PRR14L: variants seen among roughly 807,000 people sequenced by gnomAD.
PRR14L encodes protein PRR14L.
PRR14L carries 80 observed loss-of-function variants against 155.0 expected under a neutral mutation model. The observed-to-expected ratio is 0.52, with a 90% confidence interval of 0.43 to 0.62. The LOEUF (loss-of-function observed/expected upper bound fraction) is 0.62, where lower values mean the gene tolerates loss of function less well. Among genes scored for constraint, PRR14L ranks in the 20% least tolerant of loss-of-function variants. The pLI, the probability that PRR14L is intolerant of heterozygous loss-of-function variation, is 0.00. For missense variants in PRR14L, 2,469 were observed against 2,548.0 expected (o/e 0.97, Z 0.67); for synonymous variants, 883 against 916.0 (o/e 0.96, Z 0.65).
chr22:31,715,473 T>A lies in PRR14L; in HGVS notation c.2366A>T (p.His789Leu). Residue 789 changes from histidine to leucine, a missense_variant, in exon 4 of 9, where the codon CAT (histidine) becomes CTT (leucine). His to Leu is a moderately conservative substitution (Grantham distance 99). Around this residue, in one of 2 missense-constraint regions of PRR14L, gnomAD observed 2,363 missense variants for 2,371.6 expected, o/e 1.00. Coordinates refer to ENST00000327423, the MANE Select transcript of PRR14L (RefSeq NM_173566.3). Reference sequence around the variant, plus strand: ...CTGGGATACATTTTTTCTTACACGATGACAGCTAGAGATATCCTGAGATTG... The same window carrying A: ...CTGGGATACATTTTTTCTTACACGAAGACAGCTAGAGATATCCTGAGATTG... Reference protein sequence around the residue: ...SVQSQDISSCHRVRKNVSQEN... With the variant: ...SVQSQDISSCLRVRKNVSQEN... The A allele has an allele frequency of 6.4e-7, 1 of 1,552,398 alleles. No individual in the cohort carries two copies. Among genetic ancestry groups the A allele is most frequent in the Admixed American group, 2.0e-5 (1 of 51,016 alleles).
chr22:31,730,216 G>A (rs1321889600), intron 2 of PRR14L, among the ~76,000 whole-genome samples: 1 of 151,860 alleles, frequency 6.6e-6, no homozygotes, highest in Non-Finnish European at 1.5e-5. Flanking sequence ...AAGGCGGGTG[G>A]ATCACAAGGT....
At chr22:31,704,046 A>G (rs1444097886) in intron 5 of PRR14L, among the ~76,000 whole-genome samples, 1 of 151,470 alleles carries the variant, frequency 6.6e-6, no homozygotes, top group Non-Finnish European at 1.5e-5. Flanking sequence ...ATCCACCCGC[A>G]CCGGCCTCCC....
In PRR14L at chr22:31,714,580, C is replaced by T; in HGVS notation, c.3259G>A (p.Ala1087Thr). The stretch of plus-strand genomic sequence containing the variant: ...GTACTCCTGGAGTCCTCTTGAAATG[C>T]CAGTTTCTCTTGCCTTGCACCACAA... ...LDCGARQEKL[A>T]FQEDSRSTLS... The change falls in exon 4 of 9, where the codon GCA becomes ACA. Residue 1087 changes from alanine to threonine, a missense_variant. This residue lies in a region of PRR14L where 2,363 missense variants were observed against 2,371.6 expected (regional missense o/e 1.00). Transcript: ENST00000327423. The T allele has an allele frequency of 6.4e-7, 1 of 1,551,912 alleles. No individual in the cohort carries two copies. The highest frequency in any genetic ancestry group is 8.7e-7 in the Non-Finnish European group (1 of 1,147,034).
At chr22:31,705,604 C>T (rs1452018684) in intron 4 of PRR14L, among the ~76,000 whole-genome samples, 1 of 151,680 alleles carries the variant, frequency 6.6e-6, no homozygotes, top group Non-Finnish European at 1.5e-5. Context: ...AAACTCCTGG[C>T]CTTGTGATCC....
intron 7 of PRR14L, among the ~76,000 whole-genome samples, chr22:31,693,043 G>A (rs2074518858): frequency 6.6e-6 from 1 of 152,014 alleles, no homozygotes; most frequent in Non-Finnish European, 1.5e-5. Flanking sequence ...CCTCACACAT[G>A]GACAGCCTTC....
chr22:31,746,576 G>A (rs2074838846), intron 1 of PRR14L, among the ~76,000 whole-genome samples: 1 of 152,162 alleles, frequency 6.6e-6, no homozygotes, highest in Admixed American at 6.6e-5. Flanking sequence ...ATAGATTTAT[G>A]AACGACTTTT....
chr22:31,720,459 G>A (rs1006195051), intron 3 of PRR14L, among the ~76,000 whole-genome samples: 26 of 152,158 alleles, frequency 1.7e-4, no homozygotes, highest in Admixed American at 5.2e-4. Flanking sequence ...ACAGCTGGGC[G>A]TGGTGGCTCA....
chr22:31,689,671 G>C (rs2074500727), intron 7 of PRR14L, among the ~76,000 whole-genome samples: 3 of 152,142 alleles, frequency 2.0e-5, no homozygotes, highest in Admixed American at 1.3e-4. Flanking sequence ...CTGGGCTCAA[G>C]AGATCCTCCT....
Position 31,701,703 on chromosome 22 carries a change from A to G in PRR14L, c.6060T>C (p.Pro2020=), listed in dbSNP as rs754083909. The G allele has an allele frequency of 8.1e-6, 13 of 1,614,074 alleles. No homozygotes were observed. The highest frequency in any genetic ancestry group is 1.7e-6 in the Non-Finnish European group (2 of 1,180,010). ...TGGGGGTAAGATTAGGATCTGGCCT[A>G]GGAATGGTTTTCCGGATGCGAATCT... The part of the protein sequence containing the change: ...VSQIRIRKTI[P]RPDPNLTPMG... Residue 2020 remains proline, a synonymous_variant, in exon 7 of 9, where the codon CCT becomes CCC. Transcript: ENST00000327423.
At chr22:31,748,450 C>G (rs76661368) in intron 1 of PRR14L, among the ~76,000 whole-genome samples, 1 of 152,046 alleles carries the variant, frequency 6.6e-6, no homozygotes, top group African/African-American at 2.4e-5. Flanking sequence ...AGGAGTGAAA[C>G]TGGAAAATGC....
At chr22:31,736,769 T>C (rs988873465) in intron 2 of PRR14L, among the ~76,000 whole-genome samples, 4 of 152,134 alleles carry the variant, frequency 2.6e-5, no homozygotes, top group Non-Finnish European at 5.9e-5. Context: ...CCAGGCATGG[T>C]GGCTCCTGCC....
At chr22:31,728,695 G>T (rs535836574) in intron 2 of PRR14L, among the ~76,000 whole-genome samples, 1 of 139,408 alleles carries the variant, frequency 7.2e-6, no homozygotes, top group Non-Finnish European at 1.5e-5. Context: ...CAGCCTGGGC[G>T]ACAGAGTAGA....
chr22:31,730,643 C>T (rs113580004), intron 2 of PRR14L, among the ~76,000 whole-genome samples: 5,152 of 152,200 alleles, frequency 0.034, 110 homozygotes, highest in South Asian at 0.064. Flanking sequence ...ACCTTTGTAA[C>T]TAATAAATAT....
intron 2 of PRR14L, among the ~76,000 whole-genome samples, chr22:31,731,188 T>C (rs2074747074): frequency 6.6e-6 from 1 of 152,166 alleles, no homozygotes; most frequent in Non-Finnish European, 1.5e-5. Context: ...CTAGGTGTGC[T>C]CATTGCTACA....
intron 8 of PRR14L, among the ~76,000 whole-genome samples, chr22:31,687,517 C>A (rs1388595282): frequency 6.6e-6 from 1 of 150,988 alleles, no homozygotes; most frequent in Non-Finnish European, 1.5e-5. Context: ...CCATGCCCGG[C>A]TAATTTTTTG....
intron 3 of PRR14L, among the ~76,000 whole-genome samples, chr22:31,721,962 T>C (rs994620336): frequency 2.0e-4 from 31 of 152,210 alleles, no homozygotes; most frequent in East Asian, 1.7e-3. Flanking sequence ...AACAACTTGG[T>C]GCAGGGGATC....
intron 3 of PRR14L, among the ~76,000 whole-genome samples, chr22:31,721,114 C>T (rs131233): frequency 2.0e-5 from 3 of 152,038 alleles, no homozygotes; most frequent in African/African-American, 4.8e-5. Flanking sequence ...TCAGGACAGC[C>T]GAAAGGGTGA....
At chr22:31,696,701 A>G (rs927572686) in intron 7 of PRR14L, among the ~76,000 whole-genome samples, 1 of 152,236 alleles carries the variant, frequency 6.6e-6, no homozygotes, top group Non-Finnish European at 1.5e-5. Context: ...TACATCAATC[A>G]AAACACTCAT....
intron 2 of PRR14L, among the ~76,000 whole-genome samples, chr22:31,731,863 C>A (rs1441327813): frequency 6.6e-6 from 1 of 152,126 alleles, no homozygotes; most frequent in Non-Finnish European, 1.5e-5. Context: ...GTAATGTGGG[C>A]TACCCTCCCC....
Sources: allele counts gnomAD v4.1 joint callset (sites outside exome capture counted in the v4.1 genomes callset), GRCh38; gene constraint gnomAD v4.1.1; regional missense constraint gnomAD v4.1.1; transcripts MANE v1.5; gene names NCBI Gene and HGNC (gene_info 2026-07-23, HGNC 2026-07-21).